Variants in KATNIP observed in about 807,000 individuals in gnomAD.
KATNIP encodes the protein katanin-interacting protein.
KATNIP carries 126 observed loss-of-function variants against 174.0 expected under a neutral mutation model. The observed-to-expected ratio is 0.72, with a 90% confidence interval of 0.63 to 0.84. KATNIP has a LOEUF of 0.84. Ranked by LOEUF, KATNIP falls within the 40% of genes least tolerant of loss-of-function variation. KATNIP has a pLI of 0.00. For synonymous variants in KATNIP, 810 were observed against 835.7 expected, an observed-to-expected ratio of 0.97 and a Z score of 0.53; for missense variants, 1,958 against 2,109.7, an observed-to-expected ratio of 0.93 and a Z score of 1.41.
intron 5 of KATNIP, chr16:27,632,631 G>A (rs1369210661): frequency 2.2e-6 from 1 of 456,484 alleles, no homozygotes; most frequent in Non-Finnish European, 4.4e-6. Flanking sequence ...AGGAAGAAAT[G>A]CTGGTCAGTT....
intron 2 of KATNIP, among the ~76,000 whole-genome samples, chr16:27,589,042 G>A (rs976571051): frequency 2.0e-5 from 3 of 150,656 alleles, no homozygotes; most frequent in African/African-American, 7.3e-5. Flanking sequence ...GATTATAGGT[G>A]TGCACCACCA....
At chr16:27,662,588 C>T (rs2077561684) in intron 6 of KATNIP, among the ~76,000 whole-genome samples, 1 of 152,118 alleles carries the variant, frequency 6.6e-6, no homozygotes, top group Non-Finnish European at 1.5e-5. Flanking sequence ...GCACTAAATG[C>T]CCATGAATTA....
intron 6 of KATNIP, among the ~76,000 whole-genome samples, chr16:27,667,928 A>G (rs886162100): frequency 6.6e-6 from 1 of 152,182 alleles, no homozygotes; most frequent in South Asian, 2.1e-4. Flanking sequence ...CTGGGGACAC[A>G]GGGTAAACTG....
At chr16:27,590,889 C>T (rs571680721) in intron 2 of KATNIP, among the ~76,000 whole-genome samples, 2 of 152,198 alleles carry the variant, frequency 1.3e-5, no homozygotes, top group Non-Finnish European at 2.9e-5. Flanking sequence ...CTGCTAGTGG[C>T]ACCCCTTTTT....
At chr16:27,715,545 GA>G (rs2079895424) in intron 13 of KATNIP, among the ~76,000 whole-genome samples, 1 of 152,090 alleles carries the variant, frequency 6.6e-6, no homozygotes, top group African/African-American at 2.4e-5. Flanking sequence ...TCATATATCT[GA>G]TAAGGGTCTA....
At chr16:27,561,777 A>G (rs1177818893) in intron 1 of KATNIP, among the ~76,000 whole-genome samples, 1 of 152,190 alleles carries the variant, frequency 6.6e-6, no homozygotes, top group Non-Finnish European at 1.5e-5. Flanking sequence ...TAATGTCACA[A>G]AAGTTAGAGT....
chr16:27,752,994 G>C (rs1268024296), intron 17 of KATNIP, among the ~76,000 whole-genome samples: 1 of 152,166 alleles, frequency 6.6e-6, no homozygotes, highest in Non-Finnish European at 1.5e-5. Flanking sequence ...CTGGGCTGTG[G>C]GAAGGTCATG....
intron 8 of KATNIP, among the ~76,000 whole-genome samples, chr16:27,695,933 G>T (rs1169355036): frequency 2.6e-5 from 4 of 152,098 alleles, no homozygotes; most frequent in Non-Finnish European, 4.4e-5. Flanking sequence ...CCATTCCCCA[G>T]ATTTTTAGGA....
chr16:27,551,017 TC>T (rs1463798517), intron 1 of KATNIP, among the ~76,000 whole-genome samples: 1 of 152,184 alleles, frequency 6.6e-6, no homozygotes, highest in Non-Finnish European at 1.5e-5. Context: ...CAGCTGATTG[TC>T]CTCTTGGGGT....
intron 16 of KATNIP, among the ~76,000 whole-genome samples, chr16:27,750,967 A>G (rs1049011678): frequency 6.6e-6 from 1 of 151,632 alleles, no homozygotes; most frequent in African/African-American, 2.4e-5. Context: ...GGCTCAAGTG[A>G]TCCACCCACC....
At chr16:27,631,916 C>G (rs2076501358) in intron 5 of KATNIP, among the ~76,000 whole-genome samples, 1 of 152,228 alleles carries the variant, frequency 6.6e-6, no homozygotes, top group Non-Finnish European at 1.5e-5. Context: ...CCAGGTACCA[C>G]ACGTAGGCTC....
chr16:27,771,650 G>T lies in KATNIP; in HGVS notation c.4196G>T (p.Gly1399Val). 6.2e-7 allele frequency: 1 copy of T among 1,613,300 alleles called. No individual in the cohort carries two copies. Among genetic ancestry groups the T allele is most frequent in the East Asian group, 2.2e-5 (1 of 44,876 alleles). The change falls in exon 22 of 28, where the codon GGC (glycine) becomes GTC (valine). Residue 1399 changes from glycine (G) to valine (V), a missense_variant and splice_region_variant. Coordinates refer to ENST00000261588, the MANE Select transcript of KATNIP (RefSeq NM_015202.5). ...MDYEAPLMPC[G>V]FIFQFQLLTS... The stretch of plus-strand genomic sequence containing the variant: ...TACGAGGCACCGCTGATGCCCTGTG[G>T]CTGTATCCTTCTCCTCCCGCCCCAC...
rs150030887 is a variant in KATNIP at position 27,651,845 on chromosome 16, G to A, written c.540+3110G>A. ...AGCGATTCTCCAGCCTCTGCCTCCC[G>A]AGTAGTTGAGATTACAGGCGCCAAC... On this transcript the variant is annotated intron_variant, in intron 6 of 27. Coordinates refer to ENST00000261588, the MANE Select transcript of KATNIP (RefSeq NM_015202.5). Among the ~76,000 whole-genome samples the A allele has an allele frequency of 3.4e-3, 515 of 152,238 alleles. 7 individuals carry two copies. Among genetic ancestry groups the A allele is most frequent in the African/African-American group, 0.012 (480 of 41,538 alleles).
At chr16:27,646,326 G>A (rs927406361) in intron 5 of KATNIP, among the ~76,000 whole-genome samples, 1 of 152,170 alleles carries the variant, frequency 6.6e-6, no homozygotes, top group Non-Finnish European at 1.5e-5. Flanking sequence ...CATCCCTCAA[G>A]AAGAGAGCAC....
chr16:27,735,342 G>A (rs1026594974), intron 14 of KATNIP, among the ~76,000 whole-genome samples: 3 of 152,188 alleles, frequency 2.0e-5, no homozygotes, highest in Non-Finnish European at 4.4e-5. Context: ...GTGGAAGCCG[G>A]CCACCCTATT....
chr16:27,691,935 C>T (rs1292014668), intron 8 of KATNIP, among the ~76,000 whole-genome samples: 1 of 152,186 alleles, frequency 6.6e-6, no homozygotes, highest in Non-Finnish European at 1.5e-5. Context: ...GATCATCCCG[C>T]CTGCTCACAG....
chr16:27,640,677 A>ATTTTTTTTT, intron 5 of KATNIP, among the ~76,000 whole-genome samples: 1 of 122,076 alleles, frequency 8.2e-6, no homozygotes, highest in Non-Finnish European at 1.7e-5. Flanking sequence ...TTGGTTTTTA[A>ATTTTTTTTT]TTTTTTTTTT....
chr16:27,764,746 T>C (rs1231209772), intron 19 of KATNIP, among the ~76,000 whole-genome samples: 2 of 152,230 alleles, frequency 1.3e-5, no homozygotes, highest in Non-Finnish European at 2.9e-5. Flanking sequence ...AGGTTTGCTA[T>C]GGAGCAGCCC....
Position 27,631,141 on chromosome 16 carries a change from C to A in KATNIP, c.387C>A (p.Val129=). ...GTTCACGGACAGCCCCCAGTAAAGT[C>A]CAGCGCCGAGGATGGCACCAGGTCT... ...RRSSRTAPSK[V]QRRGWHQKSV... is the part of the protein sequence containing the mutation. Residue 129 remains valine (V), a synonymous_variant, in exon 5 of 28, where the codon GTC becomes GTA. Transcript: ENST00000261588. 1.3e-6 allele frequency: 2 copies of A among 1,571,102 alleles called. No homozygotes were observed. The highest frequency in any genetic ancestry group is 4.7e-5 in the East Asian group (2 of 42,798).
Sources: gnomAD v4.1 joint callset for allele counts (sites outside exome capture counted in the v4.1 genomes callset) on GRCh38, gnomAD v4.1.1 for gene constraint, MANE v1.5 for transcripts, NCBI Gene and HGNC (gene_info 2026-07-23, HGNC 2026-07-21) for gene names.